Variants in CCDC39 observed in about 807,000 individuals in gnomAD.
CCDC39 encodes coiled-coil domain 39 molecular ruler complex subunit, also known as coiled-coil domain-containing protein 39.
Under a neutral mutation model 121.0 loss-of-function variants are expected in CCDC39, and 113 were observed. The observed-to-expected ratio is 0.93, with a 90% CI of 0.80 to 1.09. The LOEUF (loss-of-function observed/expected upper bound fraction) is 1.09, where lower values mean the gene tolerates loss of function less well. Among genes scored for constraint, CCDC39 ranks in the 50% least tolerant of loss-of-function variants. CCDC39 has a pLI of 0.00. For synonymous variants in CCDC39, 349 were observed against 352.2 expected, an observed-to-expected ratio of 0.99 and a Z score of 0.10; for missense variants, 1,063 against 1,074.7, an observed-to-expected ratio of 0.99 and a Z score of 0.15.
intron 13 of CCDC39, among the ~76,000 whole-genome samples, chr3:180,637,622 T>G (rs1271412600): frequency 2.0e-5 from 3 of 152,096 alleles, no homozygotes; most frequent in African/African-American, 7.2e-5. Flanking sequence ...TAAAGACACA[T>G]GTGCACAAAT....
rs957354905 is a variant in CCDC39, at chr3:180,652,169, G to A, written c.1028C>T (p.Thr343Ile). Residue 343 changes from threonine to isoleucine, a missense_variant, in exon 8 of 20, where the codon ACA becomes ATA. Thr to Ile is a moderately conservative substitution (Grantham distance 89). Coordinates refer to ENST00000476379, the MANE Select transcript of CCDC39 (RefSeq NM_181426.2). ...SKIKKDIHEE[T>I]ARLQKTKNHN... Reference sequence around the variant, plus strand: ...TAGATAGTTTTTTTCTTACCTTGCTGTTTCTTCATGAATGTCCTTCTTTAT... The same window carrying A: ...TAGATAGTTTTTTTCTTACCTTGCTATTTCTTCATGAATGTCCTTCTTTAT... 8 of 1,491,652 alleles carry A rather than the reference G, an allele frequency of 5.4e-6. No individual in the cohort carries two copies. The Admixed American group carries it at 6.6e-5, about 12-fold the overall frequency. 92.4% of individuals were successfully genotyped at this position (1,491,652 alleles called of 1,614,324 possible).
chr3:180,663,085 C>G (rs1711781622), intron 2 of CCDC39, among the ~76,000 whole-genome samples: 1 of 152,004 alleles, frequency 6.6e-6, no homozygotes, highest in African/African-American at 2.4e-5. Context: ...TCTAAGATGC[C>G]TAATGTCTTC....
rs535642123 is a variant in CCDC39, at chr3:180,643,145, G to C, written c.1666-944C>G. 4.3e-3 allele frequency among the ~76,000 whole-genome samples: 654 copies of C among 152,100 alleles called. 8 individuals are homozygous for C. Among genetic ancestry groups the C allele is most frequent in the African/African-American group, 0.015 (632 of 41,490 alleles). On this transcript the variant is annotated intron_variant, in intron 12 of 19. Coordinates refer to ENST00000476379, the MANE Select transcript of CCDC39 (RefSeq NM_181426.2). The stretch of plus-strand genomic sequence containing the variant: ...CGGCTAATTTTTTGTATTTTTAGTA[G>C]AGATGGGGTTTCACCATGTTAGCCA...
chr3:180,673,428 G>C (rs79020531), intron 1 of CCDC39, among the ~76,000 whole-genome samples: 5,772 of 152,232 alleles, frequency 0.038, 378 homozygotes, highest in African/African-American at 0.13. Context: ...ATCAAAACAA[G>C]ACTCTCCACC....
At position 180,663,847 on chromosome 3, in the gene CCDC39, A is replaced by C. The variant is rs372896635; in HGVS notation, c.210+20T>G. ...TCCATGACTACACGATATAATCAAC[A>C]TAAATTTCAGTTACTGTACCTGTGT... On this transcript the variant is annotated intron_variant, in intron 2 of 19. Coordinates refer to ENST00000476379, the MANE Select transcript of CCDC39 (RefSeq NM_181426.2). 6.2e-7 allele frequency: 1 copy of C among 1,609,830 alleles called. No individual in the cohort carries two copies. Among genetic ancestry groups the C allele is most frequent in the Non-Finnish European group, 8.5e-7 (1 of 1,178,118 alleles).
intron 1 of CCDC39, among the ~76,000 whole-genome samples, chr3:180,672,511 T>C (rs1217878429): frequency 1.3e-5 from 2 of 152,154 alleles, no homozygotes; most frequent in Non-Finnish European, 2.9e-5. Context: ...GGAGAATCGC[T>C]TGAACCCAGG....
rs142781374 is a variant in CCDC39, at chr3:180,647,825, G to A, written c.1362+340C>T. On this transcript the variant is annotated intron_variant, in intron 10 of 19. Coordinates refer to ENST00000476379, the MANE Select transcript of CCDC39 (RefSeq NM_181426.2). Reference sequence around the variant, plus strand: ...TATTAGCATGGGGGTGAGGGTGGGGGTGCCTAACTAAGAATCAACATACAG... The same window carrying A: ...TATTAGCATGGGGGTGAGGGTGGGGATGCCTAACTAAGAATCAACATACAG... 9.3e-3 allele frequency among the ~76,000 whole-genome samples: 1,412 copies of A among 151,722 alleles called. 23 individuals carry two copies. The highest frequency in any genetic ancestry group is 0.033 in the African/African-American group (1,357 of 41,362).
intron 1 of CCDC39, among the ~76,000 whole-genome samples, chr3:180,676,830 T>C (rs184860820): frequency 1.3e-5 from 2 of 149,578 alleles, no homozygotes; most frequent in Non-Finnish European, 3.0e-5. Context: ...GATGAGTTCA[T>C]GTCCTTTGTA....
At chr3:180,654,221 CAAAAAAAA>C (rs76424115) in intron 7 of CCDC39, among the ~76,000 whole-genome samples, 1 of 44,928 alleles carries the variant, frequency 2.2e-5, no homozygotes, top group Non-Finnish European at 4.4e-5. Flanking sequence ...TAGCCACACG[CAAAAAAAA>C]AAAAAAAAAA....
intron 14 of CCDC39, among the ~76,000 whole-genome samples, chr3:180,625,376 T>G (rs1553802029): frequency 6.6e-6 from 1 of 151,560 alleles, no homozygotes; most frequent in Non-Finnish European, 1.5e-5. Flanking sequence ...GATATCTCCT[T>G]GGTGAATTTT....
chr3:180,651,317 C>T lies in CCDC39; in HGVS notation c.1167+84G>A, dbSNP rs186086840. The T allele has an allele frequency of 1.1e-5, 13 of 1,161,694 alleles. No homozygotes were observed. In the Admixed American group the frequency reaches 1.7e-4, roughly 15 times the overall value. 72.0% of individuals were successfully genotyped at this position (1,161,694 alleles called of 1,614,324 possible). A position where few individuals can be genotyped will look rare whatever the true frequency, so the allele number is the denominator to read the frequency against. The stretch of plus-strand genomic sequence containing the variant: ...AAAGCAGAGCTTCTTACAAGACCTC[C>T]TCGTCCTCTGATCCTAGGAGTCTAA... On this transcript the variant is annotated intron_variant, in intron 9 of 19. Transcript: ENST00000476379.
rs1350938950 is a variant in CCDC39, at chr3:180,615,092, A to G, written c.2670-15T>C. 6.6e-7 allele frequency: 1 copy of G among 1,508,866 alleles called. No homozygotes were observed. Among genetic ancestry groups the G allele is most frequent in the African/African-American group, 1.4e-5 (1 of 70,688 alleles). 93.5% of individuals were successfully genotyped at this position (1,508,866 alleles called of 1,614,324 possible). On this transcript the variant is annotated splice_polypyrimidine_tract_variant and intron_variant, in intron 19 of 19. Coordinates refer to ENST00000476379, the MANE Select transcript of CCDC39 (RefSeq NM_181426.2). ...TCCTAGATGACCTAGAAGAAAAACC[A>G]GAATTATAAATTCAATGCAAAGTTT...
At chr3:180,675,095 G>C (rs559774232) in intron 1 of CCDC39, among the ~76,000 whole-genome samples, 457 of 152,274 alleles carry the variant, frequency 3.0e-3, no homozygotes, top group Non-Finnish European at 4.9e-3. Context: ...ATTTGGCTGT[G>C]AATACATCTG....
rs1717137991 is a variant in CCDC39, at chr3:180,614,378, G to A, written c.*543C>T. The A allele has an allele frequency of 6.6e-6, 1 of 150,396 alleles. No individual in the cohort carries two copies. Among genetic ancestry groups the A allele is most frequent in the Non-Finnish European group, 1.5e-5 (1 of 67,562 alleles). The allele number at this position is 150,396 out of a possible 1,614,324, so 9.3% of individuals were successfully genotyped here. ...GTTTCTCTTACCGGTTTTTTTTTGG[G>A]GGGGTGGGGTGGGTAGGGGTTGATG... On this transcript the variant is annotated 3_prime_UTR_variant, in exon 20 of 20. Transcript: ENST00000476379.
At chr3:180,628,880 C>A (rs1717626912) in intron 14 of CCDC39, among the ~76,000 whole-genome samples, 1 of 152,040 alleles carries the variant, frequency 6.6e-6, no homozygotes, top group African/African-American at 2.4e-5. Flanking sequence ...ATATATGTAT[C>A]CATCAGGAGA....
intron 1 of CCDC39, among the ~76,000 whole-genome samples, chr3:180,677,166 TTTTATATATATA>T (rs1395966251): frequency 3.7e-4 from 15 of 40,918 alleles, no homozygotes; most frequent in African/African-American, 1.0e-3. Context: ...ATAATAATAA[TTTTATATATATA>T]TATATATATA....
intron 1 of CCDC39, among the ~76,000 whole-genome samples, chr3:180,672,635 G>A (rs547684780): frequency 2.6e-5 from 4 of 152,152 alleles, no homozygotes; most frequent in South Asian, 2.1e-4. Context: ...CAATGCACCC[G>A]GTCACCCAAG....
At chr3:180,627,068 A>T (rs1053754065) in intron 14 of CCDC39, among the ~76,000 whole-genome samples, 6 of 152,158 alleles carry the variant, frequency 3.9e-5, no homozygotes, top group African/African-American at 1.4e-4. Flanking sequence ...CTCTCAGGTG[A>T]TTTACATGGG....
chr3:180,651,296 C>T, intron 9 of CCDC39, 105 bp downstream of exon 9: 4 of 894,526 alleles, frequency 4.5e-6, no homozygotes, highest in Non-Finnish European at 6.7e-6. Context: ...TACCAAAAAG[C>T]AGAGCTTCTT....
Sources: allele counts gnomAD v4.1 joint callset (sites outside exome capture counted in the v4.1 genomes callset), GRCh38; gene constraint gnomAD v4.1.1; transcripts MANE v1.5; gene names NCBI Gene and HGNC (gene_info 2026-07-23, HGNC 2026-07-21).